The following EEF1A2 variants were observed in gnomAD, a reference collection of about 807,000 sequenced individuals.
The protein encoded by EEF1A2 is elongation factor 1-alpha 2.
In EEF1A2, 5 loss-of-function variants were observed where a neutral mutation model predicts 39.3. The ratio of observed to expected loss-of-function variants is 0.13; its 90% CI spans 0.07 to 0.27. The LOEUF is 0.27. EEF1A2 is among the 10% of genes least tolerant of loss of function. The probability of loss-of-function intolerance (pLI) is 1.00; values close to 1 mark genes in which losing one functional copy is unlikely to be tolerated. For synonymous variants in EEF1A2, 287 were observed against 293.7 expected, an observed-to-expected ratio of 0.98 and a Z score of 0.23; for missense variants, 218 against 681.4, an observed-to-expected ratio of 0.32 and a Z score of 7.57.
rs780505767 is a variant in EEF1A2 at position 63,495,151 on chromosome 20, A to T, written c.325-50T>A. 4.4e-6 allele frequency: 7 copies of T among 1,583,992 alleles called. No homozygotes were observed. In the East Asian group the frequency reaches 1.6e-4, roughly 36 times the overall value. The stretch of plus-strand genomic sequence containing the variant: ...CCCTGCCCCGCCTGCCTGGCAGGGG[A>T]CAGAGCGAGCCTGGCCCCACCTCAC... On this transcript the variant is annotated intron_variant, in intron 3 of 7. Transcript: ENST00000217182.
chr20:63,490,274 C>T, intron 6 of EEF1A2: 1 of 598,646 alleles, frequency 1.7e-6, no homozygotes, highest in South Asian at 2.4e-5. Flanking sequence ...ACCATGTTGA[C>T]CAGGATGGAC....
chr20:63,489,348 AAAC>A (rs1385457153), intron 6 of EEF1A2, among the ~76,000 whole-genome samples, 196 bp from the exon 7 acceptor site: 1 of 152,164 alleles, frequency 6.6e-6, no homozygotes, highest in Non-Finnish European at 1.5e-5. Context: ...AGCAAAAGAT[AAAC>A]AACTGAGATT....
chr20:63,489,979 GA>G (rs1296547599), intron 6 of EEF1A2: 2 of 158,316 alleles, frequency 1.3e-5, no homozygotes, highest in African/African-American at 4.8e-5. Flanking sequence ...CACAGGCTGG[GA>G]GCCACAGGGC....
In EEF1A2 at chr20:63,497,769, T is replaced by C; in HGVS notation, c.-6A>G. 6.2e-7 allele frequency: 1 copy of C among 1,611,084 alleles called. No individual in the cohort carries two copies. The highest frequency in any genetic ancestry group is 8.5e-7 in the Non-Finnish European group (1 of 1,178,796). Reference sequence around the variant, plus strand: ...TGGGTCTTCTCCTTGCCCATTTTGCTGGGAGTGTGAGGGGCTGGCGGGACC... The same window carrying C: ...TGGGTCTTCTCCTTGCCCATTTTGCCGGGAGTGTGAGGGGCTGGCGGGACC... On this transcript the variant is annotated 5_prime_UTR_variant, in exon 2 of 8. Coordinates refer to ENST00000217182, the MANE Select transcript of EEF1A2 (RefSeq NM_001958.5). The surrounding 1 kb of genome is among the most constrained non-coding windows in gnomAD (Gnocchi z 7.3).
At chr20:63,494,187 C>T (rs2082405510) in intron 4 of EEF1A2, among the ~76,000 whole-genome samples, 1 of 152,224 alleles carries the variant, frequency 6.6e-6, no homozygotes, top group African/African-American at 2.4e-5. Context: ...TCTGGGGTCT[C>T]CTCTGGCTTG....
Position 63,494,808 on chromosome 20 carries a change from G to A in EEF1A2, c.618C>T (p.Pro206=). The A allele has an allele frequency of 1.9e-6, 3 of 1,608,834 alleles. No individual in the cohort carries two copies. The highest frequency in any genetic ancestry group is 1.1e-5 in the South Asian group (1 of 91,044). ...CCCCGCCCTAGCCGCCACTCACGTT[G>A]GGGGAGGGCTCCAGCATGTTGTCAC... ...WHGDNMLEPS[P]NMPWFKGWKV... Residue 206 remains proline, a synonymous_variant, in exon 4 of 8, where the codon CCC becomes CCT. Transcript: ENST00000217182.
At chr20:63,494,775 G>A (rs149125493) in intron 4 of EEF1A2, 30 bp downstream of exon 4, 34 of 1,590,852 alleles carry the variant, frequency 2.1e-5, no homozygotes, top group African/African-American at 2.7e-5. Flanking sequence ...GCCAGCTCCC[G>A]TGGCCCGCCC....
At chr20:63,491,436 G>A (rs1337401341) in intron 5 of EEF1A2, among the ~76,000 whole-genome samples, 2 of 152,230 alleles carry the variant, frequency 1.3e-5, no homozygotes, top group Non-Finnish European at 2.9e-5. Context: ...AGGGAGGCCT[G>A]TTGTAGCCTC....
Position 63,495,121 on chromosome 20 carries a change from G to A in EEF1A2, c.325-20C>T, listed in dbSNP as rs772778154. ...GTCCGCCTGCCCGGCAGGGGACACA[G>A]TGAGCCCTGCCCCGCCTGCCTGGCA... is the stretch of plus-strand genomic sequence containing the variant. On this transcript the variant is annotated intron_variant, in intron 3 of 7. Transcript: ENST00000217182. 5 of 1,601,048 alleles carry A rather than the reference G, an allele frequency of 3.1e-6. No homozygotes were observed. The highest frequency in any genetic ancestry group is 1.3e-5 in the African/African-American group (1 of 74,822).
At chr20:63,496,257 C>T (rs1055013387) in intron 2 of EEF1A2, 3 of 583,874 alleles carry the variant, frequency 5.1e-6, no homozygotes, top group South Asian at 4.2e-5. Flanking sequence ...CCGAAATGGG[C>T]GCGGCTACGC....
At chr20:63,491,870 ATGGATAGATGGATG>A (rs1400362106) in intron 5 of EEF1A2, among the ~76,000 whole-genome samples, 16 of 73,152 alleles carry the variant, frequency 2.2e-4, no homozygotes, top group Non-Finnish European at 5.0e-4. Context: ...GGGGAGGTGG[ATGGATAGATGGATG>A]GATGGATGGA....
rs540084015 is a variant in EEF1A2 at position 63,488,083 on chromosome 20, G to C, written c.*215C>G. ...AGCGCTGGGCGCGGAAGCCTGGGGCGGGGGCGCCTTTCCTCTTGAAGAACT... is the reference window on the plus strand; with the variant it reads ...AGCGCTGGGCGCGGAAGCCTGGGGCCGGGGCGCCTTTCCTCTTGAAGAACT... On this transcript the variant is annotated 3_prime_UTR_variant, in exon 8 of 8. Transcript: ENST00000217182. The C allele has an allele frequency of 2.4e-5, 4 of 164,770 alleles. No individual in the cohort carries two copies. Among genetic ancestry groups the C allele is most frequent in the Non-Finnish European group, 5.0e-5 (4 of 79,572 alleles). The allele number at this position is 164,770 out of a possible 1,614,324, so 10.2% of individuals were successfully genotyped here.
chr20:63,497,839 G>A lies in EEF1A2; in HGVS notation c.-71-5C>T. On this transcript the variant is annotated splice_polypyrimidine_tract_variant and splice_region_variant and intron_variant, in intron 1 of 7. Coordinates refer to ENST00000217182, the MANE Select transcript of EEF1A2 (RefSeq NM_001958.5). The surrounding 1 kb of genome is among the most constrained non-coding windows in gnomAD (Gnocchi z 7.3). The stretch of plus-strand genomic sequence containing the variant: ...GCGAGGGGGGCTGCAGTGATTCTGT[G>A]GGGCCAGTGGTGGTGGGGAGACCGG... 1 of 1,551,418 alleles carries A rather than the reference G, an allele frequency of 6.4e-7. No individual in the cohort carries two copies. The highest frequency in any genetic ancestry group is 8.7e-7 in the Non-Finnish European group (1 of 1,146,748).
In EEF1A2 at chr20:63,497,407, C is replaced by T. The variant is rs978266694; in HGVS notation, c.144+213G>A. The T allele has an allele frequency of 1.5e-5, 10 of 648,742 alleles. No individual in the cohort carries two copies. Among genetic ancestry groups the T allele is most frequent in the African/African-American group, 1.1e-4 (6 of 53,484 alleles). 40.2% of individuals were successfully genotyped at this position (648,742 alleles called of 1,614,324 possible). ...TCACCACAGGGCAAGTCCGGCAGCT[C>T]GATGGCCACCCCTCCCCCACCAAGC... On this transcript the variant is annotated intron_variant, in intron 2 of 7. Coordinates refer to ENST00000217182, the MANE Select transcript of EEF1A2 (RefSeq NM_001958.5). The surrounding 1 kb of genome is among the most constrained non-coding windows in gnomAD (Gnocchi z 7.3).
At chr20:63,493,098 C>A (rs200917604) in intron 5 of EEF1A2, 39 bp downstream of exon 5, 5 of 1,537,604 alleles carry the variant, frequency 3.3e-6, no homozygotes, top group Non-Finnish European at 4.4e-6. Flanking sequence ...GCAGGCAGAG[C>A]TGGCCAGGCA....
At chr20:63,492,182 G>GTAGGGAGA (rs2082386720) in intron 5 of EEF1A2, among the ~76,000 whole-genome samples, 2 of 2,692 alleles carry the variant, frequency 7.4e-4, no homozygotes, top group Non-Finnish European at 9.2e-4. Flanking sequence ...GGGTAGGTGG[G>GTAGGGAGA]TGGATAGATG....
chr20:63,492,130 G>A (rs1299199460), intron 5 of EEF1A2, among the ~76,000 whole-genome samples: 8 of 2,686 alleles, frequency 3.0e-3, no homozygotes, highest in Non-Finnish European at 5.1e-3. Context: ...GGATGGATGG[G>A]GAAGTGGATG....
intron 2 of EEF1A2, 42 bp from the exon 3 acceptor site, chr20:63,496,077 C>T: frequency 6.2e-7 from 1 of 1,604,676 alleles, no homozygotes; most frequent in Non-Finnish European, 8.5e-7. Flanking sequence ...GGACCCGGGA[C>T]CCAGGAGTCC....
Position 63,497,632 on chromosome 20 carries a change from C to T in EEF1A2, c.132G>A (p.Lys44=), listed in dbSNP as rs2145946782. Residue 44 remains lysine (K), a synonymous_variant, in exon 2 of 8, where the codon AAG becomes AAA. Coordinates refer to ENST00000217182, the MANE Select transcript of EEF1A2 (RefSeq NM_001958.5). This position sits in a 1 kb window ranked among gnomAD's most constrained non-coding sequence, Gnocchi z 7.3. ...CTGGGGAGCTCACCTCAGCCGCCTCCTTCTCGAACTTCTCAATGGTCCTTT... is the reference window on the plus strand; with the variant it reads ...CTGGGGAGCTCACCTCAGCCGCCTCTTTCTCGAACTTCTCAATGGTCCTTT... ...IDKRTIEKFE[K]EAAEMGKGSF... 1.9e-6 allele frequency: 3 copies of T among 1,612,758 alleles called. No individual in the cohort carries two copies. Among genetic ancestry groups the T allele is most frequent in the African/African-American group, 1.3e-5 (1 of 75,060 alleles).
Sources: allele counts gnomAD v4.1 joint callset (sites outside exome capture counted in the v4.1 genomes callset), GRCh38; gene constraint gnomAD v4.1.1; non-coding constraint Gnocchi (gnomAD v3.1); transcripts MANE v1.5; gene names NCBI Gene and HGNC (gene_info 2026-07-23, HGNC 2026-07-21).